The following CALD1 variants were observed in gnomAD, a reference collection of about 807,000 sequenced individuals.
CALD1 encodes caldesmon 1.
CALD1 carries 33 observed loss-of-function variants against 99.9 expected under a neutral mutation model. The observed-to-expected ratio is 0.33, with a 90% CI of 0.25 to 0.44. CALD1 has a LOEUF of 0.44. Among genes scored for constraint, CALD1 ranks in the 20% least tolerant of loss-of-function variants. CALD1 has a pLI of 1.00. For synonymous variants in CALD1, 310 were observed against 325.0 expected, an observed-to-expected ratio of 0.95 and a Z score of 0.50; for missense variants, 861 against 962.1, an observed-to-expected ratio of 0.89 and a Z score of 1.39.
intron 1 of CALD1, among the ~76,000 whole-genome samples, chr7:134,756,547 T>C (rs1042349898): frequency 6.6e-6 from 1 of 152,132 alleles, no homozygotes; most frequent in Non-Finnish European, 1.5e-5. Flanking sequence ...CTTGATGTTA[T>C]AATAAACTAT....
At chr7:134,795,597 C>G (rs964824627) in intron 1 of CALD1, among the ~76,000 whole-genome samples, 1 of 152,124 alleles carries the variant, frequency 6.6e-6, no homozygotes, top group Non-Finnish European at 1.5e-5. Context: ...CTTCCTCTCT[C>G]TTTCCCTTCC....
chr7:134,934,751 C>A (rs1427484564), intron 5 of CALD1, among the ~76,000 whole-genome samples: 2 of 152,026 alleles, frequency 1.3e-5, no homozygotes, highest in African/African-American at 4.8e-5. Flanking sequence ...TGTACCGGCA[C>A]ATGTCTGTAA....
chr7:134,895,771 C>T (rs559095984), intron 3 of CALD1, among the ~76,000 whole-genome samples: 23 of 152,198 alleles, frequency 1.5e-4, no homozygotes, highest in Admixed American at 7.2e-4. Flanking sequence ...TCCAGTTTCT[C>T]TTCAAAGAAT....
intron 3 of CALD1, among the ~76,000 whole-genome samples, chr7:134,916,088 G>A (rs1359812204): frequency 6.6e-6 from 1 of 152,148 alleles, no homozygotes; most frequent in Admixed American, 6.5e-5. Flanking sequence ...CTCCACTCAA[G>A]GTTTGTCTTT....
chr7:134,850,838 T>C (rs966712987), intron 2 of CALD1, among the ~76,000 whole-genome samples: 1 of 152,180 alleles, frequency 6.6e-6, no homozygotes, highest in Admixed American at 6.5e-5. Context: ...TGGGAAGTAA[T>C]TGAATCTTGG....
chr7:134,730,995 A>T, the CALD1 span, among the ~76,000 whole-genome samples: 2 of 151,780 alleles, frequency 1.3e-5, no homozygotes, highest in African/African-American at 4.8e-5. Context: ...CATGCCGTCT[A>T]CCCTAGATAT....
intron 1 of CALD1, among the ~76,000 whole-genome samples, chr7:134,773,782 C>G (rs866549023): frequency 1.1e-4 from 15 of 138,744 alleles, no homozygotes; most frequent in Non-Finnish European, 1.9e-4. Context: ...AACCTCTCTT[C>G]TGTGTGTGTG....
the CALD1 span, among the ~76,000 whole-genome samples, chr7:134,725,864 C>G: frequency 6.6e-6 from 1 of 152,104 alleles, no homozygotes; most frequent in African/African-American, 2.4e-5. Context: ...AAGACAGAGG[C>G]ACATTGGAGT....
intron 9 of CALD1, among the ~76,000 whole-genome samples, chr7:134,955,705 T>C (rs899803220): frequency 1.3e-5 from 2 of 152,232 alleles, no homozygotes; most frequent in African/African-American, 4.8e-5. Context: ...ATTACTTCCT[T>C]AGAGGCCCCA....
intron 1 of CALD1, among the ~76,000 whole-genome samples, chr7:134,831,485 A>AT (rs1799219638): frequency 2.0e-5 from 3 of 151,648 alleles, no homozygotes; most frequent in South Asian, 4.2e-4. Context: ...CGCCTGGCTA[A>AT]TTTTTTTGTA....
intron 3 of CALD1, among the ~76,000 whole-genome samples, chr7:134,923,407 T>C (rs531274303): frequency 6.6e-6 from 1 of 152,364 alleles, no homozygotes; most frequent in East Asian, 1.9e-4. Flanking sequence ...TAAACAAAAT[T>C]CAATAATTCT....
chr7:134,917,424 C>T (rs1012495328), intron 3 of CALD1, among the ~76,000 whole-genome samples: 5 of 152,162 alleles, frequency 3.3e-5, no homozygotes, highest in African/African-American at 1.2e-4. Flanking sequence ...TCTCAGCTTA[C>T]TACAACCTCC....
rs59210460 is a variant in CALD1, at chr7:134,857,158, C to CTTTTTTTTTT, written c.-41-10517_-41-10508dup. Reference sequence around the variant, plus strand: ...AAAGATCCTATGGTTTTGCGCTATTCTTTTTTTTTTTTTTTTTTTTTTTTT... The same window carrying CTTTTTTTTTT: ...AAAGATCCTATGGTTTTGCGCTATTCTTTTTTTTTTTTTTTTTTTTTTTTTTTTTTTTTTT... On this transcript the variant is annotated intron_variant, in intron 2 of 14. Transcript: ENST00000361675. Among the ~76,000 whole-genome samples, 8 of 75,354 alleles carry CTTTTTTTTTT rather than the reference C, an allele frequency of 1.1e-4. 2 individuals carry two copies. Among genetic ancestry groups the CTTTTTTTTTT allele is most frequent in the African/African-American group, 1.5e-4 (3 of 20,618 alleles). 49.4% of individuals were successfully genotyped at this position (75,354 alleles called of 152,430 possible).
chr7:134,947,835 C>T (rs1003312644), intron 8 of CALD1, 66 bp downstream of exon 8: 1 of 1,547,766 alleles, frequency 6.5e-7, no homozygotes, highest in East Asian at 2.3e-5. Context: ...TGCGGCTGTT[C>T]TTTTGAGCAT....
At chr7:134,903,153 C>T (rs1310801951) in intron 3 of CALD1, among the ~76,000 whole-genome samples, 1 of 152,106 alleles carries the variant, frequency 6.6e-6, no homozygotes, top group Non-Finnish European at 1.5e-5. Context: ...GGTTTCTAGG[C>T]ACTAGGGCAA....
At chr7:134,761,304 C>A (rs1217063771) in intron 1 of CALD1, among the ~76,000 whole-genome samples, 4 of 152,180 alleles carry the variant, frequency 2.6e-5, no homozygotes, top group Non-Finnish European at 4.4e-5. Context: ...GTGTTTTCCT[C>A]TCTGCGCGCA....
chr7:134,891,952 C>T (rs1163089259), intron 3 of CALD1, among the ~76,000 whole-genome samples: 1 of 152,042 alleles, frequency 6.6e-6, no homozygotes, highest in East Asian at 1.9e-4. Context: ...TACCTAGGCA[C>T]GGGTTTCTCC....
intron 2 of CALD1, among the ~76,000 whole-genome samples, chr7:134,857,220 G>C (rs1459712806): frequency 7.6e-6 from 1 of 131,224 alleles, no homozygotes; most frequent in East Asian, 2.5e-4. Context: ...CCAGGCTGGA[G>C]TGCAGTGGCG....
the CALD1 span, among the ~76,000 whole-genome samples, chr7:134,715,328 C>T: frequency 6.6e-6 from 1 of 152,178 alleles, no homozygotes; most frequent in African/African-American, 2.4e-5. Flanking sequence ...ATTTGAATGT[C>T]TTACAGTTGT....
Sources: allele counts gnomAD v4.1 joint callset (sites outside exome capture counted in the v4.1 genomes callset), GRCh38; gene constraint gnomAD v4.1.1; transcripts MANE v1.5; gene names NCBI Gene and HGNC (gene_info 2026-07-23, HGNC 2026-07-21).